Variants in AGBL4 observed in about 807,000 individuals in gnomAD.
AGBL4 encodes AGBL carboxypeptidase 4.
A neutral mutation model predicts 66.4 loss-of-function variants in AGBL4; 58 were observed. That is an observed-to-expected ratio of 0.87 (90% CI 0.71 to 1.09). The LOEUF is 1.09. AGBL4 is among the 50% of genes least tolerant of loss of function. AGBL4 has a pLI of 0.00. For synonymous variants in AGBL4, 234 were observed against 222.9 expected, an observed-to-expected ratio of 1.05 and a Z score of -0.44; for missense variants, 579 against 631.0, an observed-to-expected ratio of 0.92 and a Z score of 0.88.
At chr1:49,442,524 G>A (rs1646057750) in intron 3 of AGBL4, among the ~76,000 whole-genome samples, 1 of 152,056 alleles carries the variant, frequency 6.6e-6, no homozygotes, top group Non-Finnish European at 1.5e-5. Flanking sequence ...TCTGTGCCTG[G>A]ATTATTTCAC....
At chr1:49,094,865 A>T (rs6700885) in intron 4 of AGBL4, among the ~76,000 whole-genome samples, 73,275 of 151,924 alleles carry the variant, frequency 0.48, 20,423 homozygotes, top group Middle Eastern at 0.64. Context: ...AATAAAGGGT[A>T]TTCAGTTAGG....
chr1:49,366,146 C>T (rs190996586), intron 3 of AGBL4, among the ~76,000 whole-genome samples: 6 of 152,212 alleles, frequency 3.9e-5, no homozygotes, highest in Admixed American at 2.6e-4. Flanking sequence ...TAGGCGATTT[C>T]CCCTCATTCT....
chr1:48,907,094 T>A (rs1335837851), intron 5 of AGBL4, among the ~76,000 whole-genome samples: 1 of 152,214 alleles, frequency 6.6e-6, no homozygotes, highest in Non-Finnish European at 1.5e-5. Context: ...CACTGCCTGC[T>A]TTTTAGGGCT....
At chr1:48,712,344 C>T (rs1191909380) in intron 6 of AGBL4, among the ~76,000 whole-genome samples, 2 of 152,140 alleles carry the variant, frequency 1.3e-5, no homozygotes, top group Non-Finnish European at 2.9e-5. Context: ...AGGACCTGGC[C>T]CTTTTCTAAC....
intron 3 of AGBL4, among the ~76,000 whole-genome samples, chr1:49,601,137 T>A (rs1027963477): frequency 3.9e-5 from 6 of 152,212 alleles, no homozygotes; most frequent in Admixed American, 3.3e-4. Flanking sequence ...AATATCTTTT[T>A]GGTGTTCTCT....
chr1:48,612,283 G>A (rs1021039300), intron 9 of AGBL4, among the ~76,000 whole-genome samples: 3 of 152,356 alleles, frequency 2.0e-5, no homozygotes, highest in Admixed American at 1.3e-4. Context: ...TTACGTCAGA[G>A]GAGTTTACAC....
At chr1:49,982,625 G>C (rs1659151754) in intron 1 of AGBL4, among the ~76,000 whole-genome samples, 1 of 152,202 alleles carries the variant, frequency 6.6e-6, no homozygotes, top group African/African-American at 2.4e-5. Context: ...GAGCCAGGCT[G>C]CCAGTCCCGT....
chr1:49,220,912 CTG>C (rs1649447553), intron 4 of AGBL4, among the ~76,000 whole-genome samples: 2 of 152,232 alleles, frequency 1.3e-5, no homozygotes, highest in Admixed American at 1.3e-4. Flanking sequence ...CATAAACAAA[CTG>C]TAACTTTTTC....
chr1:49,988,242 T>G (rs953217761), intron 1 of AGBL4, among the ~76,000 whole-genome samples: 1 of 152,158 alleles, frequency 6.6e-6, no homozygotes, highest in African/African-American at 2.4e-5. Flanking sequence ...CTAATTATGC[T>G]TTAATCAAGA....
At position 49,389,969 on chromosome 1, in the gene AGBL4, C is replaced by T. The variant is rs1049006598; in HGVS notation, c.283-144105G>A. Among the ~76,000 whole-genome samples, 7 of 152,166 alleles carry T rather than the reference C, an allele frequency of 4.6e-5. 1 individual carries two copies. The highest frequency in any genetic ancestry group is 1.7e-4 in the African/African-American group (7 of 41,452). On this transcript the variant is annotated intron_variant, in intron 3 of 13. Coordinates refer to ENST00000371839, the MANE Select transcript of AGBL4 (RefSeq NM_032785.4). The stretch of plus-strand genomic sequence containing the variant: ...CTAACCAAGGAGAAAGATTGTCATT[C>T]TCTGAATAACCAGCAAAATTTCATG...
intron 4 of AGBL4, among the ~76,000 whole-genome samples, chr1:49,199,437 C>A (rs1481503927): frequency 6.6e-6 from 1 of 152,118 alleles, no homozygotes; most frequent in East Asian, 1.9e-4. Context: ...CTGAAAGGGG[C>A]ATCAGAAATT....
At chr1:49,161,227 A>G (rs1020189776) in intron 4 of AGBL4, among the ~76,000 whole-genome samples, 8 of 152,196 alleles carry the variant, frequency 5.3e-5, no homozygotes, top group African/African-American at 1.2e-4. Flanking sequence ...CAAAGGCCAT[A>G]GGAAAAGCAC....
intron 4 of AGBL4, among the ~76,000 whole-genome samples, chr1:49,084,979 T>G (rs1490034114): frequency 6.6e-6 from 1 of 152,170 alleles, no homozygotes; most frequent in Non-Finnish European, 1.5e-5. Flanking sequence ...TTGTTGTTGT[T>G]GTTGTTAATT....
chr1:49,810,839 CA>C (rs1571616995), intron 2 of AGBL4, among the ~76,000 whole-genome samples: 1 of 152,106 alleles, frequency 6.6e-6, no homozygotes, highest in East Asian at 1.9e-4. Context: ...ATGACTTGAG[CA>C]AAAACATATA....
chr1:49,177,413 T>A (rs1646852143), intron 4 of AGBL4, among the ~76,000 whole-genome samples: 1 of 152,160 alleles, frequency 6.6e-6, no homozygotes. Context: ...GAACAATATG[T>A]GATGTGAATA....
At chr1:49,301,965 T>A (rs1036728467) in intron 3 of AGBL4, among the ~76,000 whole-genome samples, 4 of 152,148 alleles carry the variant, frequency 2.6e-5, no homozygotes, top group Admixed American at 2.6e-4. Flanking sequence ...ATATCTCCCA[T>A]CCTCCTTGCT....
chr1:49,490,015 C>T (rs1043981258), intron 3 of AGBL4, among the ~76,000 whole-genome samples: 15 of 151,760 alleles, frequency 9.9e-5, no homozygotes, highest in Non-Finnish European at 1.9e-4. Context: ...CAAATACTTA[C>T]ATGTCTTAAT....
chr1:48,792,503 A>T (rs1015505206), intron 6 of AGBL4, among the ~76,000 whole-genome samples: 3 of 152,242 alleles, frequency 2.0e-5, no homozygotes, highest in Admixed American at 2.0e-4. Context: ...TGCCTATTAC[A>T]TTTATTAAAT....
At chr1:49,737,263 C>CA (rs1466451917) in intron 2 of AGBL4, among the ~76,000 whole-genome samples, 1 of 152,062 alleles carries the variant, frequency 6.6e-6, no homozygotes, top group Non-Finnish European at 1.5e-5. Flanking sequence ...ATTCAAATAG[C>CA]AAAGATATGG....
Sources: gnomAD v4.1 joint callset for allele counts (sites outside exome capture counted in the v4.1 genomes callset) on GRCh38, gnomAD v4.1.1 for gene constraint, MANE v1.5 for transcripts, NCBI Gene and HGNC (gene_info 2026-07-23, HGNC 2026-07-21) for gene names.